The following MYLK4 variants were observed in gnomAD, a reference collection of about 807,000 sequenced individuals.
The protein encoded by MYLK4 is myosin light chain kinase family member 4, also known as caMLCK like.
MYLK4 carries 46 observed loss-of-function variants against 48.1 expected under a neutral mutation model. That is an observed-to-expected ratio of 0.96 (90% CI 0.75 to 1.22). MYLK4 has a LOEUF of 1.22. MYLK4 is among the 50% of genes most tolerant of loss of function. The pLI, the probability that MYLK4 is intolerant of heterozygous loss-of-function variation, is 0.00. For missense variants in MYLK4, 451 were observed against 486.1 expected (o/e 0.93, Z 0.68); for synonymous variants, 170 against 180.8 (o/e 0.94, Z 0.48).
chr6:2,706,465 C>T (rs570395862), intron 2 of MYLK4, among the ~76,000 whole-genome samples: 1 of 151,790 alleles, frequency 6.6e-6, no homozygotes, highest in Non-Finnish European at 1.5e-5. Flanking sequence ...ATGCATTTGT[C>T]CAAACTCATC....
At chr6:2,738,877 C>T (rs1763792886) in intron 2 of MYLK4, among the ~76,000 whole-genome samples, 1 of 152,150 alleles carries the variant, frequency 6.6e-6, no homozygotes, top group Non-Finnish European at 1.5e-5. Flanking sequence ...GAATGTGCAG[C>T]AACAAGAGTG....
intron 2 of MYLK4, among the ~76,000 whole-genome samples, chr6:2,719,378 A>G (rs976739430): frequency 2.0e-5 from 3 of 152,192 alleles, no homozygotes; most frequent in African/African-American, 7.2e-5. Context: ...CCCCCAACAC[A>G]TGCACACAAA....
rs1048975888 is a variant in MYLK4, at chr6:2,680,503, C to G, written c.688-212G>C. On this transcript the variant is annotated intron_variant, in intron 7 of 12. Coordinates refer to ENST00000274643, the MANE Select transcript of MYLK4 (RefSeq NM_001012418.5). ...CCAACCCTGCATTATCCAGCCTGTC[C>G]TCTGCACGGCTTCACAGTTCACCAT... The G allele has an allele frequency of 2.7e-4, 265 of 985,430 alleles. 1 individual carries two copies. The highest frequency in any genetic ancestry group is 6.1e-4 in the Admixed American group (10 of 16,292). The allele number at this position is 985,430 out of a possible 1,614,324, so 61.0% of individuals were successfully genotyped here. A position where few individuals can be genotyped will look rare whatever the true frequency, so the allele number is the denominator to read the frequency against.
chr6:2,691,666 T>C (rs1410078225), intron 3 of MYLK4, among the ~76,000 whole-genome samples: 2 of 152,266 alleles, frequency 1.3e-5, no homozygotes, highest in African/African-American at 4.8e-5. Flanking sequence ...GGATATGTTC[T>C]GTATTGCTAA....
At chr6:2,690,585 G>A (rs1229743795) in intron 3 of MYLK4, among the ~76,000 whole-genome samples, 1 of 152,040 alleles carries the variant, frequency 6.6e-6, no homozygotes, top group Non-Finnish European at 1.5e-5. Context: ...ACCATTTCGG[G>A]GCTTGGGGAG....
chr6:2,743,131 A>G (rs1582125520), intron 2 of MYLK4, among the ~76,000 whole-genome samples: 1 of 152,206 alleles, frequency 6.6e-6, no homozygotes, highest in Non-Finnish European at 1.5e-5. Context: ...AGGGGAAAAA[A>G]CCCTAAAAAG....
intron 2 of MYLK4, among the ~76,000 whole-genome samples, chr6:2,726,027 C>T (rs1763260316): frequency 6.6e-6 from 1 of 152,176 alleles, no homozygotes; most frequent in South Asian, 2.1e-4. Context: ...ATCTTTAAGA[C>T]AGACTTTGAG....
At chr6:2,670,530 C>A (rs886680215) in intron 12 of MYLK4, among the ~76,000 whole-genome samples, 5 of 152,200 alleles carry the variant, frequency 3.3e-5, no homozygotes, top group Non-Finnish European at 7.3e-5. Flanking sequence ...CCGGCAAGGA[C>A]ATGAATGTTG....
At chr6:2,751,462 T>C (rs1764285330), upstream of MYLK4, among the ~76,000 whole-genome samples, 1 of 152,256 alleles carries the variant, frequency 6.6e-6, no homozygotes, top group Non-Finnish European at 1.5e-5. Context: ...AAATTTTTCA[T>C]AAATTCTCCT....
At chr6:2,691,878 G>C (rs1326569608) in intron 3 of MYLK4, among the ~76,000 whole-genome samples, 4 of 152,156 alleles carry the variant, frequency 2.6e-5, no homozygotes, top group Non-Finnish European at 5.9e-5. Flanking sequence ...ATAAATCATT[G>C]CTTCAAACTC....
intron 2 of MYLK4, among the ~76,000 whole-genome samples, chr6:2,709,232 G>A (rs80103220): frequency 2.0e-5 from 3 of 152,244 alleles, no homozygotes; most frequent in Admixed American, 6.5e-5. Context: ...ACACAACGAT[G>A]AGCAGATCTT....
intron 2 of MYLK4, among the ~76,000 whole-genome samples, chr6:2,714,622 G>T (rs564517404): frequency 6.6e-6 from 1 of 152,200 alleles, no homozygotes; most frequent in African/African-American, 2.4e-5. Flanking sequence ...AGATCCATGA[G>T]AACTGAAAGC....
chr6:2,694,239 T>A (rs1023374408), intron 2 of MYLK4, among the ~76,000 whole-genome samples: 2 of 152,030 alleles, frequency 1.3e-5, no homozygotes, highest in Admixed American at 6.5e-5. Context: ...TTGCCTACTT[T>A]TCCCTCTGCA....
intron 2 of MYLK4, among the ~76,000 whole-genome samples, chr6:2,700,720 G>C (rs1335975031): frequency 6.6e-6 from 1 of 152,082 alleles, no homozygotes; most frequent in Admixed American, 6.5e-5. Context: ...AAAATCCAAC[G>C]TTGCCAACCA....
At chr6:2,768,871 A>G in the MYLK4 span, 1 of 1,610,342 alleles carries the variant, frequency 6.2e-7, no homozygotes, top group Non-Finnish European at 8.5e-7. Context: ...TCGGTTCAAT[A>G]AATCTCAGCA....
the MYLK4 span, among the ~76,000 whole-genome samples, chr6:2,763,011 G>C: frequency 2.0e-5 from 3 of 152,174 alleles, no homozygotes; most frequent in African/African-American, 2.4e-5. Flanking sequence ...AGAAAGCCAA[G>C]CGGGTCTCCA....
intron 2 of MYLK4, among the ~76,000 whole-genome samples, chr6:2,716,485 G>A (rs571594233): frequency 3.3e-5 from 5 of 152,298 alleles, no homozygotes; most frequent in Admixed American, 6.5e-5. Flanking sequence ...AACTTAAATC[G>A]GGGGCATCGA....
chr6:2,689,005 C>A (rs577684840), intron 3 of MYLK4, 49 bp from the exon 4 acceptor site: 1 of 1,479,148 alleles, frequency 6.8e-7, no homozygotes, highest in African/African-American at 1.4e-5. Context: ...AGTCTGACCT[C>A]GTTAAGGCAG....
intron 10 of MYLK4, 139 bp downstream of exon 10, chr6:2,678,081 G>A: frequency 1.9e-6 from 2 of 1,079,818 alleles, no homozygotes; most frequent in Non-Finnish European, 1.3e-6. Context: ...GGGTCAAGAG[G>A]CTCAAACCTC....
Sources: allele counts gnomAD v4.1 joint callset (sites outside exome capture counted in the v4.1 genomes callset), GRCh38; gene constraint gnomAD v4.1.1; transcripts MANE v1.5; gene names NCBI Gene and HGNC (gene_info 2026-07-23, HGNC 2026-07-21).